ZMYND10: variants seen among roughly 807,000 people sequenced by gnomAD.
ZMYND10 encodes the protein zinc finger MYND-type containing 10, also known as zinc finger MYND domain-containing protein 10.
ZMYND10 carries 52 observed loss-of-function variants against 62.6 expected under a neutral mutation model. The ratio of observed to expected loss-of-function variants is 0.83; its 90% confidence interval spans 0.67 to 1.05. The LOEUF is 1.05. ZMYND10 is among the 50% of genes least tolerant of loss of function. The pLI is 0.00. For missense variants in ZMYND10, 438 were observed against 543.3 expected (o/e 0.81, Z 1.93); for synonymous variants, 197 against 218.5 (o/e 0.90, Z 0.87).
chr3:50,345,162 C>A lies in ZMYND10; in HGVS notation c.163G>T (p.Gly55Cys). 4 of 1,614,028 alleles carry A rather than the reference C, an allele frequency of 2.5e-6. No individual in the cohort carries two copies. The highest frequency in any genetic ancestry group is 3.4e-6 in the Non-Finnish European group (4 of 1,179,984). ...ACCAGCAGCTCCTGAATGGGCTCGCCCTGGCTGACTGTGGCATCGAGGATG... is the reference window on the plus strand; with the variant it reads ...ACCAGCAGCTCCTGAATGGGCTCGCACTGGCTGACTGTGGCATCGAGGATG... ...QAILDATVSQ[G>C]EPIQELLVTH... Residue 55 changes from glycine to cysteine, a missense_variant, in exon 2 of 12, where the codon GGC (glycine) becomes TGC (cysteine). Transcript: ENST00000231749. This position sits in a 1 kb window ranked among gnomAD's most constrained non-coding sequence, Gnocchi z 5.0.
chr3:50,344,691 C>G (rs587701232), intron 2 of ZMYND10: 1 of 156,258 alleles, frequency 6.4e-6, no homozygotes, highest in East Asian at 1.9e-4. Flanking sequence ...CATGTTCCAG[C>G]CAGGCATCTC....
chr3:50,342,687 T>G, intron 7 of ZMYND10, 118 bp from the exon 8 acceptor site: 2 of 1,490,286 alleles, frequency 1.3e-6, no homozygotes, highest in Non-Finnish European at 1.8e-6. Flanking sequence ...CTGCAGGACT[T>G]GCCCAGGCTA....
chr3:50,341,524 G>C, intron 11 of ZMYND10, 39 bp from the exon 12 acceptor site: 1 of 1,614,220 alleles, frequency 6.2e-7, no homozygotes, highest in South Asian at 1.1e-5. Context: ...AATGCATGTG[G>C]GGGATGTGGG....
Position 50,342,370 on chromosome 3 carries a change from T to G in ZMYND10, c.873+27A>C, listed in dbSNP as rs1703407360. 6 of 1,557,850 alleles carry G rather than the reference T, an allele frequency of 3.9e-6. 1 individual carries two copies. The Middle Eastern group carries it at 5.5e-4, about 144-fold the overall frequency. On this transcript the variant is annotated intron_variant, in intron 8 of 11. Transcript: ENST00000231749. ...GATGGGGAGGGCGGTACTGGGGCTG[T>G]GGGGGCTGGTGCGGAGGGAGTCTGA...
rs777957428 is a variant in ZMYND10, at chr3:50,343,138, G to A, written c.579C>T (p.Tyr193=). The change falls in exon 6 of 12, where the codon TAC becomes TAT. Residue 193 remains tyrosine, a synonymous_variant. Coordinates refer to ENST00000231749, the MANE Select transcript of ZMYND10 (RefSeq NM_015896.4). ...IALKALSVLR[Y]ITDCVDSLSL... ...CTCACCTGTCCACACAGTCTGTGAT[G>A]TAGCGTAGTACTGAGAGGGCCTTCA... is the stretch of plus-strand genomic sequence containing the variant. The A allele has an allele frequency of 5.0e-6, 8 of 1,614,240 alleles. No individual in the cohort carries two copies. Among genetic ancestry groups the A allele is most frequent in the Non-Finnish European group, 6.8e-6 (8 of 1,180,034 alleles).
chr3:50,345,286 A>C lies in ZMYND10; in HGVS notation c.93-54T>G, dbSNP rs766070682. The C allele has an allele frequency of 6.3e-7, 1 of 1,579,250 alleles. No individual in the cohort carries two copies. Among genetic ancestry groups the C allele is most frequent in the Non-Finnish European group, 8.6e-7 (1 of 1,157,610 alleles). ...CCACGTGTGTGCATTAGGAGTGGGG[A>C]TGGGGGCTGGATCCTACTGAAGCCT... On this transcript the variant is annotated intron_variant, in intron 1 of 11. Transcript: ENST00000231749. This position sits in a 1 kb window ranked among gnomAD's most constrained non-coding sequence, Gnocchi z 5.0.
In ZMYND10 at chr3:50,342,082, T is replaced by C. The variant is rs993319763; in HGVS notation, c.932A>G (p.Gln311Arg). The change falls in exon 9 of 12, where the codon CAG (glutamine) becomes CGG (arginine). Residue 311 changes from glutamine to arginine, a missense_variant. Gln to Arg is a conservative substitution (Grantham distance 43). Coordinates refer to ENST00000231749, the MANE Select transcript of ZMYND10 (RefSeq NM_015896.4). ...LDQLPNLAHLQSFLAHLTLTE... is the reference protein window; with the variant it reads ...LDQLPNLAHLRSFLAHLTLTE... ...TAGGGTCAGATGGGCCAGGAAACTC[T>C]GCAAGTGGGCCAGGTTGGGCAGCTG... 5.0e-6 allele frequency: 8 copies of C among 1,613,796 alleles called. No homozygotes were observed. Among genetic ancestry groups the C allele is most frequent in the Non-Finnish European group, 5.9e-6 (7 of 1,179,946 alleles).
In ZMYND10 at chr3:50,342,552, C is replaced by CG; in HGVS notation, c.717dup (p.Glu240ArgfsTer35). The CG allele has an allele frequency of 1.9e-6, 3 of 1,613,130 alleles. No homozygotes were observed. In the South Asian group the frequency reaches 3.3e-5, roughly 18 times the overall value. ...GCCACAGTATGCCAACGGCTGCCCT[C>CG]GAACTGCTGCAGCTTGCCTGGGGAG... On this transcript the variant is annotated frameshift_variant, in exon 8 of 12. Transcript: ENST00000231749. LOFTEE classifies it high-confidence loss of function.
rs781181542 is a variant in ZMYND10 at position 50,343,679 on chromosome 3, G to A, written c.318+55C>T. ...ATAGGGGCTACCAGCTCTCCTCCCC[G>A]GTCCAGAGCCCTCTGAAGGAGTGAG... On this transcript the variant is annotated intron_variant, in intron 3 of 11. Coordinates refer to ENST00000231749, the MANE Select transcript of ZMYND10 (RefSeq NM_015896.4). 4.8e-5 allele frequency: 78 copies of A among 1,613,428 alleles called. No individual in the cohort carries two copies. The South Asian group carries it at 6.8e-4, about 14-fold the overall frequency.
At position 50,342,966 on chromosome 3, in the gene ZMYND10, G is replaced by C. The variant is rs1192317553; in HGVS notation, c.652C>G (p.Leu218Val). ...CTATGCTCCAGCAGTTCCACCAGGA[G>C]GCAGGGCAGGTTGTGTGTGCTAAGC... ...RMLSTHNLPC[L>V]LVELLEHSPW... The change falls in exon 7 of 12, where the codon CTC (leucine) becomes GTC (valine). Residue 218 changes from leucine (L) to valine (V), a missense_variant. Physicochemically the swap from Leu to Val is conservative, Grantham distance 32. Transcript: ENST00000231749. 2.5e-6 allele frequency: 4 copies of C among 1,614,032 alleles called. No homozygotes were observed. The highest frequency in any genetic ancestry group is 3.4e-6 in the Non-Finnish European group (4 of 1,180,002).
rs1209976765 is a variant in ZMYND10, at chr3:50,345,296, G to C, written c.93-64C>G. On this transcript the variant is annotated intron_variant, in intron 1 of 11. Transcript: ENST00000231749. This position sits in a 1 kb window ranked among gnomAD's most constrained non-coding sequence, Gnocchi z 5.0. ...GCATTAGGAGTGGGGATGGGGGCTGGATCCTACTGAAGCCTAACCTGATCC... is the reference window on the plus strand; with the variant it reads ...GCATTAGGAGTGGGGATGGGGGCTGCATCCTACTGAAGCCTAACCTGATCC... 2 of 1,562,148 alleles carry C rather than the reference G, an allele frequency of 1.3e-6. No homozygotes were observed. The highest frequency in any genetic ancestry group is 2.7e-5 in the African/African-American group (2 of 74,252).
At position 50,345,591 on chromosome 3, in the gene ZMYND10, G is replaced by T. The variant is rs1485047890; in HGVS notation, c.-12C>A. ...TCCAGGTCTCCCATATCGAGGCCGG[G>T]GTCCGGCGGATCCTGGGCAGCAGCC... On this transcript the variant is annotated 5_prime_UTR_variant, in exon 1 of 12. Coordinates refer to ENST00000231749, the MANE Select transcript of ZMYND10 (RefSeq NM_015896.4). This position sits in a 1 kb window ranked among gnomAD's most constrained non-coding sequence, Gnocchi z 5.0. 2 of 1,578,116 alleles carry T rather than the reference G, an allele frequency of 1.3e-6. No individual in the cohort carries two copies. The highest frequency in any genetic ancestry group is 1.7e-6 in the Non-Finnish European group (2 of 1,162,090).
At chr3:50,342,190 G>A (rs756982824) in intron 8 of ZMYND10, 50 bp from the exon 9 acceptor site, 2 of 1,593,056 alleles carry the variant, frequency 1.3e-6, no homozygotes, top group East Asian at 4.5e-5. Context: ...CTGGCCAGGG[G>A]GCCAAGGAAA....
intron 8 of ZMYND10, 60 bp downstream of exon 8, chr3:50,342,337 C>CG: frequency 6.4e-7 from 1 of 1,552,802 alleles, no homozygotes; most frequent in Non-Finnish European, 8.7e-7. Flanking sequence ...GGGACGCAGT[C>CG]GGGGTAGGAT....
Position 50,345,511 on chromosome 3 carries a change from C to A in ZMYND10, c.69G>T (p.Pro23=), listed in dbSNP as rs1205017126. Residue 23 remains proline, a synonymous_variant, in exon 1 of 12, where the codon CCG becomes CCT. Coordinates refer to ENST00000231749, the MANE Select transcript of ZMYND10 (RefSeq NM_015896.4). This position sits in a 1 kb window ranked among gnomAD's most constrained non-coding sequence, Gnocchi z 5.0. ...EVLVRGLRSF[P]LREMGSEGWN... ...ACCCTTCGGAGCCCATCTCGCGTAG[C>A]GGGAAGCTGCGCAGACCCCGCACCA... 3 of 1,607,886 alleles carry A rather than the reference C, an allele frequency of 1.9e-6. No homozygotes were observed. In the East Asian group the frequency reaches 6.7e-5, roughly 36 times the overall value.
In ZMYND10 at chr3:50,342,021, C is replaced by T. The variant is rs1575553171; in HGVS notation, c.993G>A (p.Leu331=). 4 of 1,614,104 alleles carry T rather than the reference C, an allele frequency of 2.5e-6. No individual in the cohort carries two copies. The highest frequency in any genetic ancestry group is 1.7e-5 in the Admixed American group (1 of 60,004). The change falls in exon 9 of 12, where the codon TTG becomes TTA. Residue 331 remains leucine (L), a synonymous_variant. Coordinates refer to ENST00000231749, the MANE Select transcript of ZMYND10 (RefSeq NM_015896.4). Reference sequence around the variant, plus strand: ...CTAACTTTCCAGTGCCTACCTGTTCCAACACCAGGTCCTTCTTAGGAGGCT... The same window carrying T: ...CTAACTTTCCAGTGCCTACCTGTTCTAACACCAGGTCCTTCTTAGGAGGCT... ...ETQPPKKDLV[L]EQIPEIWERL...
chr3:50,344,804 ACC>A (rs1324964799), intron 2 of ZMYND10: 1 of 22,170 alleles, frequency 4.5e-5, no homozygotes, highest in Non-Finnish European at 9.4e-5. Context: ...GCCCTCCCCA[ACC>A]CCTCCCCACC....
rs1198572967 is a variant in ZMYND10 at position 50,345,392 on chromosome 3, C to A, written c.92+96G>T. 6.6e-7 allele frequency: 1 copy of A among 1,518,954 alleles called. No individual in the cohort carries two copies. Among genetic ancestry groups the A allele is most frequent in the Non-Finnish European group, 8.9e-7 (1 of 1,124,560 alleles). The allele number at this position is 1,518,954 out of a possible 1,614,324, so 94.1% of individuals were successfully genotyped here. A position where few individuals can be genotyped will look rare whatever the true frequency, so the allele number is the denominator to read the frequency against. ...AACGCTCTGCTCCCCCATTTGGGAG[C>A]CCCTCCACACTGGGCAGCCCCTCCC... On this transcript the variant is annotated intron_variant, in intron 1 of 11. Transcript: ENST00000231749. This position sits in a 1 kb window ranked among gnomAD's most constrained non-coding sequence, Gnocchi z 5.0.
rs1255823002 is a variant in ZMYND10 at position 50,345,054 on chromosome 3, G to A, written c.201+70C>T. ...CAGGCCAGAGGGGAAGGGCACACAGGGGACTCCGGAGGGGTAGAGTAGGTG... is the reference window on the plus strand; with the variant it reads ...CAGGCCAGAGGGGAAGGGCACACAGAGGACTCCGGAGGGGTAGAGTAGGTG... On this transcript the variant is annotated intron_variant, in intron 2 of 11. Transcript: ENST00000231749. This position sits in a 1 kb window ranked among gnomAD's most constrained non-coding sequence, Gnocchi z 5.0. The A allele has an allele frequency of 1.5e-5, 20 of 1,348,486 alleles. No homozygotes were observed. In the South Asian group the frequency reaches 1.8e-4, roughly 12 times the overall value. The allele number at this position is 1,348,486 out of a possible 1,614,324, so 83.5% of individuals were successfully genotyped here. A position where few individuals can be genotyped will look rare whatever the true frequency, so the allele number is the denominator to read the frequency against.
Sources: gnomAD v4.1 joint callset for allele counts on GRCh38, gnomAD v4.1.1 for gene constraint, Gnocchi (gnomAD v3.1) non-coding constraint, MANE v1.5 for transcripts, NCBI Gene and HGNC (gene_info 2026-07-23, HGNC 2026-07-21) for gene names.